The following DDIT4L variants were observed in gnomAD, a reference collection of about 807,000 sequenced individuals.
DDIT4L encodes DNA damage-inducible transcript 4-like protein.
DDIT4L carries 13 observed loss-of-function variants against 15.9 expected under a neutral mutation model. That is an observed-to-expected ratio of 0.82 (90% CI 0.53 to 1.30). DDIT4L has a LOEUF of 1.30. Among genes scored for constraint, DDIT4L ranks in the 50% most tolerant of loss-of-function variants. The probability of loss-of-function intolerance (pLI) is 0.00; values close to 1 mark genes in which losing one functional copy is unlikely to be tolerated. For missense variants in DDIT4L, 235 were observed against 224.8 expected (o/e 1.05, Z -0.29); for synonymous variants, 82 against 85.4 (o/e 0.96, Z 0.22).
chr4:100,189,866 A>T, intron 2 of DDIT4L, 27 bp downstream of exon 2: 1 of 1,609,786 alleles, frequency 6.2e-7, no homozygotes, highest in Non-Finnish European at 8.5e-7. Flanking sequence ...TTGGGAGGGG[A>T]GAAGGGTGGA....
intron 1 of DDIT4L, 77 bp downstream of exon 1, chr4:100,190,226 G>A: frequency 2.0e-6 from 1 of 507,122 alleles, no homozygotes; most frequent in East Asian, 3.6e-5. Flanking sequence ...TCAACAGTTC[G>A]CAAAACTTGG....
In DDIT4L at chr4:100,188,161, T is replaced by C. The variant is rs775479631; in HGVS notation, c.98A>G (p.Asp33Gly). ...TTCAGGAACAACATAATCCCAGTAG[T>C]CAAAATCTGTAAGAAATGGAGTTTT... ...YHPESLLSDF[D>G]YWDYVVPEPN... Residue 33 changes from aspartate to glycine, a missense_variant, in exon 3 of 3, where the codon GAC becomes GGC. Physicochemically the swap from Asp to Gly is moderately conservative, Grantham distance 94. Transcript: ENST00000273990. 7 of 1,592,464 alleles carry C rather than the reference T, an allele frequency of 4.4e-6. No individual in the cohort carries two copies. The Admixed American group carries it at 1.1e-4, about 25-fold the overall frequency.
chr4:100,187,938 A>G lies in DDIT4L; in HGVS notation c.321T>C (p.Val107=). The G allele has an allele frequency of 1.9e-6, 3 of 1,614,160 alleles. No homozygotes were observed. The highest frequency in any genetic ancestry group is 2.5e-6 in the Non-Finnish European group (3 of 1,180,036). The change falls in exon 3 of 3, where the codon GTT becomes GTC. Residue 107 remains valine (V), a synonymous_variant. Transcript: ENST00000273990. The stretch of plus-strand genomic sequence containing the variant: ...TTTCAATTTCCAAGTTCACGTGCAT[A>G]ACACAACCTCGCAAGCCGCAGGGCT... The part of the protein sequence containing the change: ...STEPCGLRGC[V]MHVNLEIENV...
rs1004724636 is a variant in DDIT4L at position 100,187,803 on chromosome 4, G to A, written c.456C>T (p.Asp152=). The A allele has an allele frequency of 1.9e-6, 3 of 1,613,458 alleles. No homozygotes were observed. The highest frequency in any genetic ancestry group is 1.7e-5 in the Admixed American group (1 of 59,854). ...AGAAGCGACCTCTACTAAAGAAAAA[G>A]TCCCTGAAGCTAGTCCATGAGCAGT... ...QENCSWTSFR[D]FFFSRGRFSS... The change falls in exon 3 of 3, where the codon GAC becomes GAT. Residue 152 remains aspartate (D), a synonymous_variant. Transcript: ENST00000273990.
chr4:100,189,153 A>T (rs1471382811), intron 2 of DDIT4L, among the ~76,000 whole-genome samples: 2 of 152,246 alleles, frequency 1.3e-5, no homozygotes, highest in African/African-American at 4.8e-5. Flanking sequence ...TGAAAGGAGA[A>T]AAACACGAAG....
At chr4:100,188,796 T>G (rs1723465870) in intron 2 of DDIT4L, among the ~76,000 whole-genome samples, 1 of 152,238 alleles carries the variant, frequency 6.6e-6, no homozygotes, top group South Asian at 2.1e-4. Flanking sequence ...TTTAGCCTCT[T>G]TAATTAAAAA....
At chr4:100,188,403 G>C (rs1723459808) in intron 2 of DDIT4L, among the ~76,000 whole-genome samples, 1 of 152,178 alleles carries the variant, frequency 6.6e-6, no homozygotes, top group Admixed American at 6.5e-5. Context: ...AAATAGAGTA[G>C]ATAGGATGTA....
At position 100,190,465 on chromosome 4, in the gene DDIT4L, T is replaced by C. The variant is rs1238988704; in HGVS notation, c.-212A>G. ...GCCACCCTGCGCCGGCTCCTCGCAG[T>C]AGCATAGCCTCCGGGGCAGCGAGAA... On this transcript the variant is annotated 5_prime_UTR_variant, in exon 1 of 3. Transcript: ENST00000273990. 6.0e-6 allele frequency: 1 copy of C among 165,936 alleles called. No homozygotes were observed. Among genetic ancestry groups the C allele is most frequent in the African/African-American group, 2.4e-5 (1 of 41,316 alleles). The allele number at this position is 165,936 out of a possible 1,614,324, so 10.3% of individuals were successfully genotyped here.
At position 100,188,453 on chromosome 4, in the gene DDIT4L, C is replaced by T. The variant is rs540679233; in HGVS notation, c.92-286G>A. Among the ~76,000 whole-genome samples the T allele has an allele frequency of 1.1e-4, 17 of 152,304 alleles. No homozygotes were observed. In the South Asian group the frequency reaches 2.9e-3, roughly 26 times the overall value. The stretch of plus-strand genomic sequence containing the variant: ...AATTTATGTGTGTACACAAAACACA[C>T]ACACAACCGTGAAGACTATGCATCA... On this transcript the variant is annotated intron_variant, in intron 2 of 2. Transcript: ENST00000273990.
rs996763487 is a variant in DDIT4L, at chr4:100,186,182, T to C, written c.*1495A>G. 3 of 152,252 alleles carry C rather than the reference T, an allele frequency of 2.0e-5. No individual in the cohort carries two copies. The highest frequency in any genetic ancestry group is 4.8e-5 in the African/African-American group (2 of 41,462). The allele number at this position is 152,252 out of a possible 1,614,324, so 9.4% of individuals were successfully genotyped here. ...ATAAAGATTGGCTTTGTAGTATCTT[T>C]CCAAGCATTTGAAGAGTTTAGTTTG... is the stretch of plus-strand genomic sequence containing the variant. On this transcript the variant is annotated 3_prime_UTR_variant, in exon 3 of 3. Transcript: ENST00000273990.
chr4:100,190,326 G>C lies in DDIT4L; in HGVS notation c.-73C>G. On this transcript the variant is annotated 5_prime_UTR_variant, in exon 1 of 3. Transcript: ENST00000273990. ...ACCTGCCAGGAGTTCGCGGGGGCCTGCGCGCTCGCTGCCGGGTAAACACAG... is the reference window on the plus strand; with the variant it reads ...ACCTGCCAGGAGTTCGCGGGGGCCTCCGCGCTCGCTGCCGGGTAAACACAG... The C allele has an allele frequency of 3.3e-6, 1 of 303,526 alleles. No individual in the cohort carries two copies. The highest frequency in any genetic ancestry group is 6.2e-6 in the Non-Finnish European group (1 of 161,474). 18.8% of individuals were successfully genotyped at this position (303,526 alleles called of 1,614,324 possible).
intron 2 of DDIT4L, among the ~76,000 whole-genome samples, chr4:100,189,013 G>C (rs184351319): frequency 6.6e-6 from 1 of 152,358 alleles, no homozygotes; most frequent in Middle Eastern, 3.4e-3. Flanking sequence ...AATGAACAAG[G>C]TGCAGGCAGA....
intron 2 of DDIT4L, among the ~76,000 whole-genome samples, chr4:100,188,978 C>A (rs927803282): frequency 3.9e-5 from 6 of 152,238 alleles, no homozygotes; most frequent in African/African-American, 1.2e-4. Flanking sequence ...TACCCCTTGG[C>A]AGGATGCCAC....
chr4:100,188,711 A>C (rs1052278393), intron 2 of DDIT4L, among the ~76,000 whole-genome samples: 2 of 152,236 alleles, frequency 1.3e-5, no homozygotes, highest in Admixed American at 6.5e-5. Flanking sequence ...TAAAGCTTTA[A>C]GAGTTATATT....
Position 100,187,938 on chromosome 4 carries a change from AAC to A in DDIT4L, c.319_320del (p.Val107TyrfsTer8). ...STEPCGLRGC[V>X]MHVNLEIENV... ...TTTCAATTTCCAAGTTCACGTGCAT[AAC>A]ACAACCTCGCAAGCCGCAGGGCTCC... On this transcript the variant is annotated frameshift_variant, in exon 3 of 3. Transcript: ENST00000273990. LOFTEE classifies it high-confidence loss of function. 1 of 1,614,160 alleles carries A rather than the reference AAC, an allele frequency of 6.2e-7. No individual in the cohort carries two copies.
At chr4:100,188,822 C>T (rs1206521564) in intron 2 of DDIT4L, among the ~76,000 whole-genome samples, 2 of 152,136 alleles carry the variant, frequency 1.3e-5, no homozygotes, top group African/African-American at 2.4e-5. Flanking sequence ...CAGAGAAGAC[C>T]TTTGAGGTTC....
At position 100,188,270 on chromosome 4, in the gene DDIT4L, G is replaced by T. The variant is rs188217174; in HGVS notation, c.92-103C>A. ...TTGGTTACCTCTATCTACCATGTCT[G>T]CCTTTTTCTTGTATTTGTTTCAGAG... On this transcript the variant is annotated intron_variant, in intron 2 of 2. Coordinates refer to ENST00000273990, the MANE Select transcript of DDIT4L (RefSeq NM_145244.4). The T allele has an allele frequency of 4.2e-5, 52 of 1,242,158 alleles. No homozygotes were observed. In the African/African-American group the frequency reaches 7.4e-4, roughly 18 times the overall value. 76.9% of individuals were successfully genotyped at this position (1,242,158 alleles called of 1,614,324 possible).
chr4:100,185,984 AAG>A lies in DDIT4L; in HGVS notation c.*1691_*1692del, dbSNP rs1434019605. 1 of 152,266 alleles carries A rather than the reference AAG, an allele frequency of 6.6e-6. No homozygotes were observed. The highest frequency in any genetic ancestry group is 1.5e-5 in the Non-Finnish European group (1 of 68,044). 9.4% of individuals were successfully genotyped at this position (152,266 alleles called of 1,614,324 possible). On this transcript the variant is annotated 3_prime_UTR_variant, in exon 3 of 3. Coordinates refer to ENST00000273990, the MANE Select transcript of DDIT4L (RefSeq NM_145244.4). ...TCACCATTTTGTAAGCATAACAGGC[AAG>A]AGAGTCAAAGATAACTGTTAGTGGG...
chr4:100,186,237 A>G lies in DDIT4L; in HGVS notation c.*1440T>C, dbSNP rs1016160841. On this transcript the variant is annotated 3_prime_UTR_variant, in exon 3 of 3. Transcript: ENST00000273990. ...AACACTGGCTAATTTGAACAGTGACATTTTAGGTCACTTATAGTATCAGTA... is the reference window on the plus strand; with the variant it reads ...AACACTGGCTAATTTGAACAGTGACGTTTTAGGTCACTTATAGTATCAGTA... 4 of 151,640 alleles carry G rather than the reference A, an allele frequency of 2.6e-5. No individual in the cohort carries two copies. Among genetic ancestry groups the G allele is most frequent in the African/African-American group, 9.8e-5 (4 of 40,910 alleles). The allele number at this position is 151,640 out of a possible 1,614,324, so 9.4% of individuals were successfully genotyped here. A position where few individuals can be genotyped will look rare whatever the true frequency, so the allele number is the denominator to read the frequency against.
Sources: allele counts gnomAD v4.1 joint callset (sites outside exome capture counted in the v4.1 genomes callset), GRCh38; gene constraint gnomAD v4.1.1; transcripts MANE v1.5; gene names NCBI Gene and HGNC (gene_info 2026-07-23, HGNC 2026-07-21).